The following GLB1 variants were observed in gnomAD, a reference collection of about 807,000 sequenced individuals.
GLB1 encodes the protein galactosidase beta 1.
In GLB1, 56 loss-of-function variants were observed where a neutral mutation model predicts 74.0. That is an observed-to-expected ratio of 0.76 (90% CI 0.61 to 0.94). The LOEUF (loss-of-function observed/expected upper bound fraction) is 0.94. GLB1 is among the 40% of genes least tolerant of loss of function. The pLI, the probability that GLB1 is intolerant of heterozygous loss-of-function variation, is 0.00. For synonymous variants in GLB1, 323 were observed against 323.6 expected (o/e 1.00, Z 0.02); for missense variants, 787 against 845.5 (o/e 0.93, Z 0.86).
chr3:33,025,023 G>A (rs942301266), intron 10 of GLB1, among the ~76,000 whole-genome samples: 14 of 151,302 alleles, frequency 9.3e-5, no homozygotes, highest in African/African-American at 1.5e-4. Context: ...TCAGCTCACC[G>A]CAACCTCTGC....
the GLB1 span, among the ~76,000 whole-genome samples, chr3:32,962,918 C>G: frequency 6.6e-6 from 1 of 151,878 alleles, no homozygotes; most frequent in Non-Finnish European, 1.5e-5. Context: ...ATATTAATAG[C>G]CTTTTATAAA....
At position 33,093,170 on chromosome 3, in the gene GLB1, C is replaced by A. The variant is rs770330156; in HGVS notation, c.75+3841G>T. The A allele has an allele frequency of 1.9e-6, 3 of 1,614,142 alleles. No homozygotes were observed. The highest frequency in any genetic ancestry group is 1.1e-5 in the South Asian group (1 of 91,074). On this transcript the variant is annotated intron_variant, in intron 1 of 15. Coordinates refer to ENST00000307363, the MANE Select transcript of GLB1 (RefSeq NM_000404.4). This position sits in a 1 kb window ranked among gnomAD's most constrained non-coding sequence, Gnocchi z 6.0. ...GATCCATGCCATGGCCAGAGTAGTG[C>A]AGGATGTCTGCTTCAATATCGTCCA... is the stretch of plus-strand genomic sequence containing the variant.
intron 10 of GLB1, among the ~76,000 whole-genome samples, chr3:33,031,637 A>T (rs1366168481): frequency 8.3e-5 from 5 of 60,516 alleles, no homozygotes; most frequent in African/African-American, 2.9e-4. Flanking sequence ...AAAAAAAAAA[A>T]AAAATATATA....
chr3:32,985,475 A>G, the GLB1 span, among the ~76,000 whole-genome samples: 1 of 151,782 alleles, frequency 6.6e-6, no homozygotes, highest in Non-Finnish European at 1.5e-5. Flanking sequence ...GACTTTTAGT[A>G]GAGACAGGGT....
chr3:33,054,186 A>G (rs988272732), intron 6 of GLB1, among the ~76,000 whole-genome samples: 9 of 152,046 alleles, frequency 5.9e-5, no homozygotes, highest in African/African-American at 1.9e-4. Flanking sequence ...GGACTTCACC[A>G]CCTCTAGAAC....
chr3:33,034,018 C>G, intron 10 of GLB1: 1 of 545,858 alleles, frequency 1.8e-6, no homozygotes, highest in Admixed American at 2.1e-5. Context: ...TCATTGCCAA[C>G]CTCAGAAGTC....
the GLB1 span, among the ~76,000 whole-genome samples, chr3:32,988,207 A>G: frequency 6.0e-5 from 9 of 149,436 alleles, no homozygotes; most frequent in South Asian, 2.1e-4. Context: ...AAAAAAAAAA[A>G]GGATCTTAGA....
chr3:32,973,935 C>A, the GLB1 span, among the ~76,000 whole-genome samples: 62 of 152,230 alleles, frequency 4.1e-4, no homozygotes, highest in South Asian at 0.012. Context: ...CTGCCAGGAG[C>A]TCAGATCCTG....
intron 5 of GLB1, among the ~76,000 whole-genome samples, chr3:33,063,159 G>A (rs892874265): frequency 2.0e-5 from 3 of 151,916 alleles, no homozygotes; most frequent in East Asian, 3.9e-4. Flanking sequence ...AATTTTGAAC[G>A]ATATGAAAAA....
the GLB1 span, among the ~76,000 whole-genome samples, chr3:32,962,116 C>A: frequency 2.2e-4 from 34 of 152,040 alleles, 1 homozygote; most frequent in Admixed American, 1.9e-3. Context: ...ATCGATTAAA[C>A]CCAGGAGGCG....
At chr3:32,978,349 C>T in the GLB1 span, among the ~76,000 whole-genome samples, 1 of 151,710 alleles carries the variant, frequency 6.6e-6, no homozygotes, top group Admixed American at 6.6e-5. Context: ...ACAATCCATC[C>T]TCACCCTTTC....
chr3:32,986,469 T>C, the GLB1 span, among the ~76,000 whole-genome samples: 1 of 152,216 alleles, frequency 6.6e-6, no homozygotes, highest in Non-Finnish European at 1.5e-5. Flanking sequence ...ACAAGACCCT[T>C]CACATTGAGC....
chr3:33,058,153 T>C lies in GLB1; in HGVS notation c.669A>G (p.Ala223=), dbSNP rs909129937. 1.2e-6 allele frequency: 2 copies of C among 1,614,030 alleles called. No individual in the cohort carries two copies. Among genetic ancestry groups the C allele is most frequent in the African/African-American group, 1.3e-5 (1 of 74,918 alleles). Residue 223 remains alanine (A), a synonymous_variant, in exon 6 of 16, where the codon GCA becomes GCG. Coordinates refer to ENST00000307363, the MANE Select transcript of GLB1 (RefSeq NM_000404.4). ...DDVVLFTTDG[A]HKTFLKCGAL... ...CCCCACATTTCAGGAATGTTTTATGTGCTCCATCAGTGGTAAACAGAACCA... is the reference window on the plus strand; with the variant it reads ...CCCCACATTTCAGGAATGTTTTATGCGCTCCATCAGTGGTAAACAGAACCA...
intron 1 of GLB1, chr3:33,077,135 T>A (rs1208168748): frequency 1.4e-6 from 2 of 1,433,732 alleles, no homozygotes; most frequent in Admixed American, 4.2e-5. Context: ...CTGTTGCTGC[T>A]TGCGTGCTCA....
intron 10 of GLB1, chr3:33,034,708 G>A (rs781663992): frequency 1.4e-6 from 1 of 715,906 alleles, no homozygotes; most frequent in African/African-American, 1.7e-5. Flanking sequence ...TGACCCTGAG[G>A]AAGCAGTTGG....
the GLB1 span, among the ~76,000 whole-genome samples, chr3:32,977,057 A>G: frequency 1.3e-5 from 2 of 152,168 alleles, no homozygotes; most frequent in East Asian, 3.8e-4. Context: ...AGATACTGCT[A>G]AAGAATGTGT....
At chr3:33,021,103 A>C (rs1697453758) in intron 12 of GLB1, among the ~76,000 whole-genome samples, 1 of 152,056 alleles carries the variant, frequency 6.6e-6, no homozygotes, top group Non-Finnish European at 1.5e-5. Flanking sequence ...CTGAAAAAAA[A>C]AAAAAAAAAG....
chr3:33,081,853 T>C (rs1218804567), intron 1 of GLB1, among the ~76,000 whole-genome samples: 1 of 152,202 alleles, frequency 6.6e-6, no homozygotes, highest in Non-Finnish European at 1.5e-5. Context: ...AGAGTACTGC[T>C]TGACATGTTT....
downstream of GLB1, among the ~76,000 whole-genome samples, chr3:32,996,098 G>A (rs1378066502): frequency 3.3e-5 from 5 of 152,232 alleles, no homozygotes; most frequent in South Asian, 2.1e-4. Flanking sequence ...CTGGTAAACC[G>A]GCAGGATGAC....
Sources: gnomAD v4.1 joint callset for allele counts (sites outside exome capture counted in the v4.1 genomes callset) on GRCh38, gnomAD v4.1.1 for gene constraint, Gnocchi (gnomAD v3.1) non-coding constraint, MANE v1.5 for transcripts, NCBI Gene and HGNC (gene_info 2026-07-23, HGNC 2026-07-21) for gene names.